Variants in DCT observed in about 807,000 individuals in gnomAD.
DCT encodes the protein dopachrome tautomerase, also known as L-dopachrome tautomerase.
A neutral mutation model predicts 53.0 loss-of-function variants in DCT; 47 were observed. The observed-to-expected ratio is 0.89, with a 90% CI of 0.70 to 1.13. DCT has a LOEUF of 1.13. Among genes scored for constraint, DCT ranks in the 50% most tolerant of loss-of-function variants. The pLI is 0.00. For missense variants in DCT, 669 were observed against 637.4 expected (o/e 1.05, Z -0.53); for synonymous variants, 244 against 237.0 (o/e 1.03, Z -0.27).
At chr13:94,523,265 T>C in the DCT span, among the ~76,000 whole-genome samples, 4 of 152,270 alleles carry the variant, frequency 2.6e-5, no homozygotes, top group Admixed American at 2.6e-4. Flanking sequence ...TTTTATCTTT[T>C]GTTTCTTGTA....
intron 4 of DCT, among the ~76,000 whole-genome samples, chr13:94,462,848 T>C (rs949115458): frequency 6.6e-6 from 1 of 152,200 alleles, no homozygotes; most frequent in Admixed American, 6.5e-5. Flanking sequence ...GTTCGTATTA[T>C]GCTGAGCTAA....
chr13:94,532,744 C>A, the DCT span, among the ~76,000 whole-genome samples: 6 of 152,172 alleles, frequency 3.9e-5, no homozygotes, highest in East Asian at 3.9e-4. Context: ...ATGTAACAAA[C>A]CTGCACGCTG....
intron 1 of DCT, 25 bp downstream of exon 1, chr13:94,478,936 A>G: frequency 1.9e-6 from 3 of 1,574,314 alleles, no homozygotes; most frequent in Middle Eastern, 1.8e-4. Flanking sequence ...GGCCCTCCCC[A>G]CCAAGCTTGG....
the DCT span, among the ~76,000 whole-genome samples, chr13:94,497,713 G>T: frequency 6.6e-6 from 1 of 152,152 alleles, no homozygotes; most frequent in Non-Finnish European, 1.5e-5. Flanking sequence ...GGAAGAAGAG[G>T]GGTTGGTCTT....
intron 4 of DCT, 23 bp downstream of exon 4, chr13:94,465,609 CA>C: frequency 6.2e-7 from 1 of 1,608,472 alleles, no homozygotes; most frequent in East Asian, 2.2e-5. Context: ...CTCTGGATGC[CA>C]TTGCAGGTAC....
chr13:94,488,486 A>G, the DCT span, among the ~76,000 whole-genome samples: 2 of 152,068 alleles, frequency 1.3e-5, no homozygotes, highest in Admixed American at 1.3e-4. Context: ...AGGCTGAAGC[A>G]GGAGGATCAC....
the DCT span, among the ~76,000 whole-genome samples, chr13:94,541,828 G>A: frequency 6.6e-6 from 1 of 152,144 alleles, no homozygotes. Context: ...CATAAAAAAT[G>A]TTTTTAATTC....
At chr13:94,446,933 A>G (rs991980444) in intron 6 of DCT, among the ~76,000 whole-genome samples, 5 of 152,158 alleles carry the variant, frequency 3.3e-5, no homozygotes, top group Non-Finnish European at 7.3e-5. Context: ...ATGTTAATAA[A>G]CTATATCTGC....
intron 2 of DCT, chr13:94,468,000 TAAC>T (rs931610595): frequency 6.6e-5 from 10 of 152,342 alleles, no homozygotes; most frequent in African/African-American, 2.4e-4. Flanking sequence ...ATGAAGTTTG[TAAC>T]AGACAACCCC....
rs1445772943 is a variant in DCT, at chr13:94,437,715, G to C, written c.*2183C>G. 10 of 151,988 alleles carry C rather than the reference G, an allele frequency of 6.6e-5. No homozygotes were observed. Among genetic ancestry groups the C allele is most frequent in the Non-Finnish European group, 1.5e-5 (1 of 67,988 alleles). The allele number at this position is 151,988 out of a possible 1,614,324, so 9.4% of individuals were successfully genotyped here. On this transcript the variant is annotated 3_prime_UTR_variant, in exon 8 of 8. Transcript: ENST00000377028. ...TAAATACCAACTTTTTATTCTGTTG[G>C]TTTATCCTACCTTAATATTTGTTAA... is the stretch of plus-strand genomic sequence containing the variant.
At chr13:94,452,398 G>A (rs1883154092) in intron 6 of DCT, among the ~76,000 whole-genome samples, 1 of 152,140 alleles carries the variant, frequency 6.6e-6, no homozygotes, top group African/African-American at 2.4e-5. Flanking sequence ...CACCTATCAC[G>A]TTGACAAAGA....
chr13:94,533,494 T>C, the DCT span, among the ~76,000 whole-genome samples: 1 of 152,026 alleles, frequency 6.6e-6, no homozygotes, highest in Non-Finnish European at 1.5e-5. Context: ...TTGAAAGAAA[T>C]GGGAGAAAGT....
intron 6 of DCT, chr13:94,445,869 G>A (rs1670543548): frequency 6.9e-6 from 5 of 723,864 alleles, no homozygotes; most frequent in Non-Finnish European, 1.2e-5. Context: ...ATTCCTGGAG[G>A]CAGGGGAGAA....
intron 2 of DCT, chr13:94,467,760 G>A (rs1240666840): frequency 6.6e-6 from 1 of 152,180 alleles, no homozygotes; most frequent in Admixed American, 6.5e-5. Context: ...ATGAGCAGAA[G>A]GATGAACCTG....
chr13:94,514,715 G>A, the DCT span, among the ~76,000 whole-genome samples: 1 of 152,208 alleles, frequency 6.6e-6, no homozygotes, highest in Admixed American at 6.5e-5. Flanking sequence ...GGGCAAGGCG[G>A]GAAGGGGGAA....
chr13:94,443,650 T>C lies in DCT; in HGVS notation c.1180-13A>G, dbSNP rs1163526876. ...AGGAATGAAGAACCTGCAAAACAGT[T>C]GGACACAGCATTTAACATAAATCAG... On this transcript the variant is annotated splice_polypyrimidine_tract_variant and intron_variant, in intron 6 of 7. Transcript: ENST00000377028. 1 of 1,602,156 alleles carries C rather than the reference T, an allele frequency of 6.2e-7. No individual in the cohort carries two copies. Among genetic ancestry groups the C allele is most frequent in the Non-Finnish European group, 8.5e-7 (1 of 1,170,192 alleles).
the DCT span, among the ~76,000 whole-genome samples, chr13:94,530,625 T>C: frequency 1.1e-4 from 16 of 152,160 alleles, no homozygotes; most frequent in Admixed American, 8.5e-4. Context: ...AACTAGGTAT[T>C]GATGGAATGT....
At chr13:94,469,502 T>C (rs1193745419) in intron 1 of DCT, among the ~76,000 whole-genome samples, 2 of 152,092 alleles carry the variant, frequency 1.3e-5, no homozygotes, top group African/African-American at 4.8e-5. Context: ...AAGACAGCCA[T>C]CTGCAAGCCA....
intron 4 of DCT, among the ~76,000 whole-genome samples, chr13:94,464,655 A>C (rs1320063929): frequency 1.3e-5 from 2 of 148,590 alleles, no homozygotes; most frequent in African/African-American, 2.4e-5. Context: ...ACAAAAAAAC[A>C]AAAAACAAAA....
Sources: gnomAD v4.1 joint callset for allele counts (sites outside exome capture counted in the v4.1 genomes callset) on GRCh38, gnomAD v4.1.1 for gene constraint, MANE v1.5 for transcripts, NCBI Gene and HGNC (gene_info 2026-07-23, HGNC 2026-07-21) for gene names.